Variants in SUGCT observed in about 807,000 individuals in gnomAD.
The protein encoded by SUGCT is succinyl-CoA:glutarate-CoA transferase.
In SUGCT, 41 loss-of-function variants were observed where a neutral mutation model predicts 55.0. That is an observed-to-expected ratio of 0.74 (90% CI 0.58 to 0.97). SUGCT has a LOEUF of 0.97. Among genes scored for constraint, SUGCT ranks in the 50% least tolerant of loss-of-function variants. SUGCT has a pLI of 0.00. For missense variants in SUGCT, 568 were observed against 547.8 expected (o/e 1.04, Z -0.37); for synonymous variants, 187 against 200.4 (o/e 0.93, Z 0.56).
chr7:40,484,540 T>C (rs1031187542), intron 11 of SUGCT, among the ~76,000 whole-genome samples: 2 of 152,160 alleles, frequency 1.3e-5, no homozygotes, highest in African/African-American at 4.8e-5. Context: ...CTAATGAGTC[T>C]ACCCTACTGA....
At chr7:40,636,505 T>C (rs73310225) in intron 12 of SUGCT, among the ~76,000 whole-genome samples, 1 of 152,126 alleles carries the variant, frequency 6.6e-6, no homozygotes, top group Non-Finnish European at 1.5e-5. Context: ...AGGGAAACTC[T>C]TTGATGTAAA....
At chr7:40,905,918 A>G in the SUGCT span, among the ~76,000 whole-genome samples, 3,478 of 152,044 alleles carry the variant, frequency 0.023, 138 homozygotes, top group African/African-American at 0.08. Context: ...GGGCCTCACT[A>G]TGTTGCCCAC....
At chr7:40,783,514 T>C (rs1287905615) in intron 13 of SUGCT, 1 of 152,146 alleles carries the variant, frequency 6.6e-6, no homozygotes, top group African/African-American at 2.4e-5. Flanking sequence ...CTGTTTATTT[T>C]AGAGCACTAA....
chr7:40,850,612 T>C (rs1793803589), intron 13 of SUGCT, among the ~76,000 whole-genome samples: 1 of 152,144 alleles, frequency 6.6e-6, no homozygotes, highest in Admixed American at 6.6e-5. Context: ...TTATTCTCTG[T>C]AGGAAGGGGA....
chr7:40,493,801 G>A (rs1051499698), intron 11 of SUGCT, among the ~76,000 whole-genome samples: 18 of 152,064 alleles, frequency 1.2e-4, no homozygotes, highest in African/African-American at 4.1e-4. Context: ...ATAAAAACAT[G>A]TGCTTACAGC....
intron 1 of SUGCT, among the ~76,000 whole-genome samples, chr7:40,146,914 T>C (rs1262425262): frequency 6.6e-6 from 1 of 152,136 alleles, no homozygotes; most frequent in African/African-American, 2.4e-5. Flanking sequence ...AGGAATAGGG[T>C]ACACTGTTTT....
At chr7:40,938,018 A>G in the SUGCT span, among the ~76,000 whole-genome samples, 10 of 152,098 alleles carry the variant, frequency 6.6e-5, no homozygotes, top group East Asian at 1.9e-4. Flanking sequence ...GTGAAGATCT[A>G]TTGCCTCTGT....
chr7:40,449,159 A>T, intron 9 of SUGCT, 128 bp from the exon 10 acceptor site: 1 of 620,644 alleles, frequency 1.6e-6, no homozygotes, highest in South Asian at 2.1e-5. Flanking sequence ...AAAAAGATAC[A>T]AATTAATCGA....
chr7:40,969,075 C>G, the SUGCT span, among the ~76,000 whole-genome samples: 1 of 152,350 alleles, frequency 6.6e-6, no homozygotes, highest in East Asian at 1.9e-4. Flanking sequence ...GAGAAAGAAC[C>G]TGTAATGGCA....
intron 12 of SUGCT, among the ~76,000 whole-genome samples, chr7:40,691,793 G>A (rs1182048662): frequency 6.6e-6 from 1 of 152,050 alleles, no homozygotes; most frequent in African/African-American, 2.4e-5. Flanking sequence ...TTCAACAACC[G>A]CCTTCTTCTT....
At chr7:40,770,044 T>C (rs767330442) in intron 13 of SUGCT, among the ~76,000 whole-genome samples, 2 of 152,216 alleles carry the variant, frequency 1.3e-5, no homozygotes, top group African/African-American at 4.8e-5. Flanking sequence ...TTTCTTTGCA[T>C]GACCTGCTAG....
chr7:40,941,971 AG>A, the SUGCT span, among the ~76,000 whole-genome samples: 2 of 152,204 alleles, frequency 1.3e-5, no homozygotes, highest in African/African-American at 4.8e-5. Flanking sequence ...TGTGTTAGTG[AG>A]TCTCTTGAAG....
intron 6 of SUGCT, among the ~76,000 whole-genome samples, chr7:40,219,729 TAAAA>T (rs941030061): frequency 1.3e-5 from 2 of 151,574 alleles, no homozygotes; most frequent in African/African-American, 4.8e-5. Context: ...AAATACGAAT[TAAAA>T]AAAACTAAAA....
At chr7:40,532,166 C>T (rs1794132673) in intron 12 of SUGCT, among the ~76,000 whole-genome samples, 1 of 152,116 alleles carries the variant, frequency 6.6e-6, no homozygotes, top group South Asian at 2.1e-4. Context: ...TTTGAAATTT[C>T]TTCTTCAGAA....
chr7:40,760,764 G>T (rs181210910), intron 13 of SUGCT, among the ~76,000 whole-genome samples: 7 of 151,836 alleles, frequency 4.6e-5, no homozygotes, highest in African/African-American at 2.4e-5. Flanking sequence ...CTCAAAGCCT[G>T]GTTTTGCAAT....
chr7:40,540,804 A>G (rs1056055621), intron 12 of SUGCT, among the ~76,000 whole-genome samples: 8 of 152,242 alleles, frequency 5.3e-5, no homozygotes, highest in Admixed American at 3.9e-4. Context: ...AATTCTGTGC[A>G]TTAACACCTT....
intron 12 of SUGCT, among the ~76,000 whole-genome samples, chr7:40,525,749 T>C (rs748812792): frequency 2.0e-5 from 3 of 152,210 alleles, no homozygotes; most frequent in Non-Finnish European, 2.9e-5. Context: ...TGCTTGATAC[T>C]GATTTTCTGG....
At chr7:40,885,745 CATT>C in the SUGCT span, among the ~76,000 whole-genome samples, 3 of 152,130 alleles carry the variant, frequency 2.0e-5, no homozygotes, top group Non-Finnish European at 2.9e-5. Flanking sequence ...GAAAGGCAAT[CATT>C]ATTTCATCCC....
At chr7:41,031,790 C>G in the SUGCT span, among the ~76,000 whole-genome samples, 1 of 152,188 alleles carries the variant, frequency 6.6e-6, no homozygotes, top group Admixed American at 6.5e-5. Context: ...CTCCCTAACC[C>G]CTAATGGGCT....
Sources: allele counts gnomAD v4.1 joint callset (sites outside exome capture counted in the v4.1 genomes callset), GRCh38; gene constraint gnomAD v4.1.1; transcripts MANE v1.5; gene names NCBI Gene and HGNC (gene_info 2026-07-23, HGNC 2026-07-21).